The following MUC5B variants were observed in gnomAD, a reference collection of about 807,000 sequenced individuals.
The protein encoded by MUC5B is mucin-5B.
A neutral mutation model predicts 376.9 loss-of-function variants in MUC5B; 116 were observed. The observed-to-expected ratio is 0.31, with a 90% confidence interval of 0.26 to 0.36. MUC5B has a LOEUF of 0.36. Ranked by LOEUF, MUC5B falls within the 10% of genes least tolerant of loss-of-function variation. The probability of loss-of-function intolerance (pLI) is 1.00; values close to 1 mark genes in which losing one functional copy is unlikely to be tolerated. For synonymous variants in MUC5B, 3,517 were observed against 3,390.9 expected (o/e 1.04, Z -1.29); for missense variants, 7,165 against 7,769.9 (o/e 0.92, Z 2.93).
Position 1,246,281 on chromosome 11 carries a change from T to G in MUC5B, c.9401T>G (p.Ile3134Ser). ...TPSSTPGTTW[I>S]LTELTTAATT... ...TCCTCCACTCCGGGGACGACCTGGA[T>G]CCTCACAGAGCTGACCACAGCAGCC... The change falls in exon 31 of 49, where the codon ATC becomes AGC. Residue 3134 changes from isoleucine (I) to serine (S), a missense_variant. By Grantham distance (142) the Ile-to-Ser change is moderately radical. This residue lies in a region of MUC5B where 939 missense variants were observed against 770.6 expected (regional missense o/e 1.22). Coordinates refer to ENST00000529681, the MANE Select transcript of MUC5B (RefSeq NM_002458.3). 3.1e-6 allele frequency: 5 copies of G among 1,606,184 alleles called. No individual in the cohort carries two copies. Among genetic ancestry groups the G allele is most frequent in the Non-Finnish European group, 4.2e-6 (5 of 1,176,932 alleles).
At position 1,246,404 on chromosome 11, in the gene MUC5B, T is replaced by G; in HGVS notation, c.9524T>G (p.Val3175Gly). 6.2e-7 allele frequency: 1 copy of G among 1,611,234 alleles called. No individual in the cohort carries two copies. Among genetic ancestry groups the G allele is most frequent in the Admixed American group, 1.7e-5 (1 of 59,830 alleles). Residue 3175 changes from valine (V) to glycine (G), a missense_variant, in exon 31 of 49, where the codon GTG (valine) becomes GGG (glycine). Around this residue, in one of 31 missense-constraint regions of MUC5B, gnomAD observed 939 missense variants for 770.6 expected, o/e 1.22. Transcript: ENST00000529681. ...TEPSTTATVT[V>G]PTGSTATASS... ...CCCAGCACTACAGCCACCGTGACGG[T>G]GCCCACCGGATCCACGGCCACCGCC...
rs1403730092 is a variant in MUC5B, at chr11:1,243,260, G to A, written c.6380G>A (p.Ser2127Asn). 1 of 1,554,862 alleles carries A rather than the reference G, an allele frequency of 6.4e-7. No homozygotes were observed. The highest frequency in any genetic ancestry group is 8.7e-7 in the Non-Finnish European group (1 of 1,149,572). ...ACACCCTCCTCTAGCACACAGACCA[G>A]TGGTACTCCCCCATCACTGACCACC... ...MATPSSSTQT[S>N]GTPPSLTTTA... The change falls in exon 31 of 49, where the codon AGT (serine) becomes AAT (asparagine). Residue 2127 changes from serine (S) to asparagine (N), a missense_variant. Coordinates refer to ENST00000529681, the MANE Select transcript of MUC5B (RefSeq NM_002458.3).
At chr11:1,225,097 G>A (rs965569376) in intron 1 of MUC5B, among the ~76,000 whole-genome samples, 8 of 152,212 alleles carry the variant, frequency 5.3e-5, no homozygotes, top group East Asian at 1.9e-4. Context: ...CAGTATCAAC[G>A]GCCACACAGC....
At position 1,258,396 on chromosome 11, in the gene MUC5B, C is replaced by T; in HGVS notation, c.16593+29C>T. 1 of 1,610,280 alleles carries T rather than the reference C, an allele frequency of 6.2e-7. No individual in the cohort carries two copies. The highest frequency in any genetic ancestry group is 8.5e-7 in the Non-Finnish European group (1 of 1,178,688). ...AGGGCACAGCAGTGGGTGGGTGTGG[C>T]CCTGGGGCCTGAACATGTGTGTGGG... is the stretch of plus-strand genomic sequence containing the variant. On this transcript the variant is annotated intron_variant, in intron 43 of 48. Coordinates refer to ENST00000529681, the MANE Select transcript of MUC5B (RefSeq NM_002458.3). The surrounding 1 kb of genome is among the most constrained non-coding windows in gnomAD (Gnocchi z 5.5).
Position 1,242,704 on chromosome 11 carries a change from A to G in MUC5B, c.5824A>G (p.Thr1942Ala), listed in dbSNP as rs1862321559. ...TCCCCCTCCCAAAGTGCTGACCACC[A>G]CGGCCACCACACCCACAGTCACCAG... is the stretch of plus-strand genomic sequence containing the variant. Reference protein sequence around the residue: ...TAPPPKVLTTTATTPTVTSSK... With the variant: ...TAPPPKVLTTAATTPTVTSSK... Residue 1942 changes from threonine (T) to alanine (A), a missense_variant, in exon 31 of 49, where the codon ACG (threonine) becomes GCG (alanine). Thr to Ala is a moderately conservative substitution (Grantham distance 58). Around this residue, in one of 31 missense-constraint regions of MUC5B, gnomAD observed 897 missense variants for 779.6 expected, o/e 1.15. Coordinates refer to ENST00000529681, the MANE Select transcript of MUC5B (RefSeq NM_002458.3). 1 of 1,612,962 alleles carries G rather than the reference A, an allele frequency of 6.2e-7. No homozygotes were observed. The highest frequency in any genetic ancestry group is 1.7e-5 in the Admixed American group (1 of 59,954).
In MUC5B at chr11:1,255,171, C is replaced by A. The variant is rs1444835582; in HGVS notation, c.15795C>A (p.Gly5265=). The A allele has an allele frequency of 2.6e-6, 4 of 1,557,054 alleles. No homozygotes were observed. The African/African-American group carries it at 5.5e-5, about 21-fold the overall frequency. The change falls in exon 36 of 49, where the codon GGC becomes GGA. Residue 5265 remains glycine (G), a synonymous_variant. Transcript: ENST00000529681. ...SRKDGCWAPT[G]TPPTASPAAP... is the part of the protein sequence containing the mutation. The stretch of plus-strand genomic sequence containing the variant: ...AGGATGGCTGCTGGGCCCCGACTGG[C>A]ACACCCCCCACTGCCAGCCCCGCAG...
chr11:1,257,444 C>G lies in MUC5B; in HGVS notation c.16270-86C>G. ...TCACTCTGGGCCACTCGGGTACCAGCCCGAGGGAGGGGGTGGCTGGACAGA... is the reference window on the plus strand; with the variant it reads ...TCACTCTGGGCCACTCGGGTACCAGGCCGAGGGAGGGGGTGGCTGGACAGA... On this transcript the variant is annotated intron_variant, in intron 40 of 48. Transcript: ENST00000529681. The surrounding 1 kb of genome is among the most constrained non-coding windows in gnomAD (Gnocchi z 8.9). 6.6e-7 allele frequency: 1 copy of G among 1,512,414 alleles called. No individual in the cohort carries two copies. Among genetic ancestry groups the G allele is most frequent in the South Asian group, 1.2e-5 (1 of 83,324 alleles). 93.7% of individuals were successfully genotyped at this position (1,512,414 alleles called of 1,614,324 possible). A position where few individuals can be genotyped will look rare whatever the true frequency, so the allele number is the denominator to read the frequency against.
intron 1 of MUC5B, among the ~76,000 whole-genome samples, chr11:1,224,883 C>T (rs1861847100): frequency 6.6e-6 from 1 of 152,130 alleles, no homozygotes; most frequent in Non-Finnish European, 1.5e-5. Context: ...CTCCCACCTC[C>T]CCACAGAGAG....
At chr11:1,231,341 G>T in intron 13 of MUC5B, 82 bp from the exon 14 acceptor site, 1 of 1,472,774 alleles carries the variant, frequency 6.8e-7, no homozygotes, top group Admixed American at 2.1e-5. Flanking sequence ...GGGTGGCCCG[G>T]CCCACTGGAT....
In MUC5B at chr11:1,249,706, G is replaced by A. The variant is rs1862613114; in HGVS notation, c.12826G>A (p.Ala4276Thr). 1 of 1,601,512 alleles carries A rather than the reference G, an allele frequency of 6.2e-7. No homozygotes were observed. Among genetic ancestry groups the A allele is most frequent in the East Asian group, 2.3e-5 (1 of 44,274 alleles). ...CACCCCGTCCTCCACCCCGGGAACA[G>A]CTCCCCCTCCCAAAGTGCTGACCAG... ...TATPSSTPGT[A>T]PPPKVLTSPA... The change falls in exon 31 of 49, where the codon GCT becomes ACT. Residue 4276 changes from alanine (A) to threonine (T), a missense_variant. Ala to Thr is a moderately conservative substitution (Grantham distance 58). Coordinates refer to ENST00000529681, the MANE Select transcript of MUC5B (RefSeq NM_002458.3).
In MUC5B at chr11:1,230,615, G is replaced by A. The variant is rs1436831425; in HGVS notation, c.1470+15G>A. On this transcript the variant is annotated intron_variant, in intron 12 of 48. Coordinates refer to ENST00000529681, the MANE Select transcript of MUC5B (RefSeq NM_002458.3). ...GCGGGGACACGGTGAGGACCTGGCT[G>A]GGGCCCTGGGCTGGGACAGGAAGAG... 1 of 1,595,224 alleles carries A rather than the reference G, an allele frequency of 6.3e-7. No individual in the cohort carries two copies. The highest frequency in any genetic ancestry group is 8.5e-7 in the Non-Finnish European group (1 of 1,170,284).
chr11:1,251,449 G>A lies in MUC5B; in HGVS notation c.14569G>A (p.Val4857Met), dbSNP rs540362271. Residue 4857 changes from valine (V) to methionine (M), a missense_variant, in exon 31 of 49, where the codon GTG becomes ATG. By Grantham distance (21) the Val-to-Met change is conservative. Coordinates refer to ENST00000529681, the MANE Select transcript of MUC5B (RefSeq NM_002458.3). ...CACAGAGCCGAGCACTATAGCCACCGTGATGGTGCCCACCGGTTCCACGGC... is the reference window on the plus strand; with the variant it reads ...CACAGAGCCGAGCACTATAGCCACCATGATGGTGCCCACCGGTTCCACGGC... ...ILTEPSTIATVMVPTGSTATA... is the reference protein window; with the variant it reads ...ILTEPSTIATMMVPTGSTATA... 2.1e-5 allele frequency: 34 copies of A among 1,611,262 alleles called. 1 individual carries two copies. The highest frequency in any genetic ancestry group is 1.8e-4 in the Admixed American group (11 of 59,848).
intron 29 of MUC5B, 40 bp from the exon 30 acceptor site, chr11:1,240,138 G>C (rs762218007): frequency 2.5e-6 from 4 of 1,571,150 alleles, no homozygotes; most frequent in Non-Finnish European, 3.5e-6. Flanking sequence ...GGGGCCAGGG[G>C]CTCGGAGGCC....
intron 6 of MUC5B, 136 bp from the exon 7 acceptor site, chr11:1,227,539 G>T: frequency 1.4e-6 from 1 of 700,130 alleles, no homozygotes; most frequent in South Asian, 1.7e-5. Flanking sequence ...CCTACATGGT[G>T]GGAGGAGTGC....
chr11:1,253,043 T>A lies in MUC5B; in HGVS notation c.15217+63T>A. On this transcript the variant is annotated intron_variant, in intron 33 of 48. Coordinates refer to ENST00000529681, the MANE Select transcript of MUC5B (RefSeq NM_002458.3). The surrounding 1 kb of genome is among the most constrained non-coding windows in gnomAD (Gnocchi z 4.3). The stretch of plus-strand genomic sequence containing the variant: ...AGGTGGAGCAGAGTGCACCGTCGGC[T>A]AGGCTGGCAGAATGGGGCATGGTGG... 1 of 1,585,530 alleles carries A rather than the reference T, an allele frequency of 6.3e-7. No individual in the cohort carries two copies.
rs746389775 is a variant in MUC5B at position 1,260,313 on chromosome 11, C to T, written c.16924-38C>T. ...GAGGCCGCACCCACCAGGGAGGCCC[C>T]GCCCACAGCCCTGCCCCCTGTCTTT... On this transcript the variant is annotated intron_variant, in intron 46 of 48. Transcript: ENST00000529681. 2.6e-5 allele frequency: 41 copies of T among 1,604,364 alleles called. 1 individual carries two copies. The Middle Eastern group carries it at 5.0e-4, about 20-fold the overall frequency.
rs1247048703 is a variant in MUC5B at position 1,247,076 on chromosome 11, C to T, written c.10196C>T (p.Ala3399Val). 6.4e-7 allele frequency: 1 copy of T among 1,561,744 alleles called. No individual in the cohort carries two copies. The highest frequency in any genetic ancestry group is 1.9e-5 in the Admixed American group (1 of 51,630). The change falls in exon 31 of 49, where the codon GCC becomes GTC. Residue 3399 changes from alanine to valine, a missense_variant. Transcript: ENST00000529681. ...SLTTTATTIT[A>V]TGSTTNPSST... ...ACCACCACGGCCACTACGATCACAG[C>T]CACCGGCTCCACCACCAACCCCTCC...
At chr11:1,235,984 G>T (rs1488277477) in intron 23 of MUC5B, among the ~76,000 whole-genome samples, 2 of 152,322 alleles carry the variant, frequency 1.3e-5, no homozygotes, top group South Asian at 2.1e-4. Flanking sequence ...GCAAAGGGGG[G>T]CCAGAGCTCC....
At position 1,239,845 on chromosome 11, in the gene MUC5B, C is replaced by T; in HGVS notation, c.3630C>T (p.Asp1210=). The T allele has an allele frequency of 1.2e-6, 2 of 1,613,044 alleles. No homozygotes were observed. Among genetic ancestry groups the T allele is most frequent in the Non-Finnish European group, 1.7e-6 (2 of 1,179,552 alleles). The change falls in exon 28 of 49, where the codon GAC becomes GAT. Residue 1210 remains aspartate, a synonymous_variant. Transcript: ENST00000529681. ...CPPSQPFFNE[D]QMKCVAQCGC... is the part of the protein sequence containing the mutation. ...CCAGCCAGCCCTTCTTCAATGAGGA[C>T]CAGATGAAGTGCGTGGCCCAGTGTG...
Sources: allele counts gnomAD v4.1 joint callset (sites outside exome capture counted in the v4.1 genomes callset), GRCh38; gene constraint gnomAD v4.1.1; regional missense constraint gnomAD v4.1.1; non-coding constraint Gnocchi (gnomAD v3.1); transcripts MANE v1.5; gene names NCBI Gene and HGNC (gene_info 2026-07-23, HGNC 2026-07-21).